The following ITGB5 variants were observed in gnomAD, a reference collection of about 807,000 sequenced individuals.
ITGB5 encodes integrin subunit beta 5.
ITGB5 carries 38 observed loss-of-function variants against 84.8 expected under a neutral mutation model. That is an observed-to-expected ratio of 0.45 (90% CI 0.35 to 0.59). ITGB5 has a LOEUF of 0.59. Among genes scored for constraint, ITGB5 ranks in the 20% least tolerant of loss-of-function variants. The pLI is 0.01. For missense variants in ITGB5, 905 were observed against 1,034.5 expected, an observed-to-expected ratio of 0.87 and a Z score of 1.72; for synonymous variants, 393 against 414.4, an observed-to-expected ratio of 0.95 and a Z score of 0.63.
chr3:124,787,232 C>T (rs1299705865), intron 10 of ITGB5, among the ~76,000 whole-genome samples: 4 of 152,226 alleles, frequency 2.6e-5, no homozygotes, highest in South Asian at 2.1e-4. Context: ...GGAGGCCCAA[C>T]GCTTAGATTT....
intron 9 of ITGB5, 139 bp from the exon 10 acceptor site, chr3:124,796,956 C>T (rs1003996940): frequency 1.7e-5 from 13 of 770,278 alleles, no homozygotes; most frequent in South Asian, 7.5e-5. Context: ...CCAAGATGGC[C>T]GGAGTAGGAA....
intron 12 of ITGB5, among the ~76,000 whole-genome samples, chr3:124,767,614 G>A (rs2063785469): frequency 6.6e-6 from 1 of 152,190 alleles, no homozygotes; most frequent in Non-Finnish European, 1.5e-5. Flanking sequence ...GGCAGAACCT[G>A]AGGTCGGCCA....
intron 3 of ITGB5, among the ~76,000 whole-genome samples, chr3:124,858,487 CAACCT>C (rs1224010977): frequency 1.3e-5 from 2 of 152,214 alleles, no homozygotes; most frequent in African/African-American, 2.4e-5. Flanking sequence ...AAGTTGAAGA[CAACCT>C]AAATGTTCAC....
chr3:124,890,456 C>T (rs539345241), upstream of ITGB5, among the ~76,000 whole-genome samples: 2 of 152,206 alleles, frequency 1.3e-5, no homozygotes, highest in South Asian at 4.2e-4. Context: ...CCGCCCGCCT[C>T]GGCCTCCCAA....
chr3:124,769,015 A>G lies in ITGB5; in HGVS notation c.2015T>C (p.Ile672Thr), dbSNP rs779920927. ...RDEVITWVDT[I>T]VKDDQEAVLC... is the part of the protein sequence containing the mutation. ...CCGGGTGGTGGCAGCACACTCACCG[A>G]TGGTGTCCACCCATGTGATCACCTC... Residue 672 changes from isoleucine (I) to threonine (T), a missense_variant and splice_region_variant, in exon 12 of 15, where the codon ATC becomes ACC. Transcript: ENST00000296181. 19 of 1,610,860 alleles carry G rather than the reference A, an allele frequency of 1.2e-5. No individual in the cohort carries two copies. The East Asian group carries it at 2.9e-4, about 25-fold the overall frequency.
intron 5 of ITGB5, among the ~76,000 whole-genome samples, chr3:124,834,924 C>A (rs928219992): frequency 5.9e-5 from 9 of 152,124 alleles, no homozygotes; most frequent in Non-Finnish European, 1.3e-4. Context: ...CATCTTTGCT[C>A]AGTGGACATT....
intron 10 of ITGB5, among the ~76,000 whole-genome samples, chr3:124,783,290 CAA>C (rs758967509): frequency 2.6e-4 from 15 of 56,990 alleles, no homozygotes; most frequent in East Asian, 1.5e-3. Context: ...GACTCCGTCT[CAA>C]AAAAAAAAAA....
At chr3:124,848,826 C>G (rs1392997192) in intron 3 of ITGB5, among the ~76,000 whole-genome samples, 1 of 151,982 alleles carries the variant, frequency 6.6e-6, no homozygotes, top group Non-Finnish European at 1.5e-5. Context: ...GTCGCCCAGG[C>G]TGGAGTGCAG....
intron 10 of ITGB5, among the ~76,000 whole-genome samples, chr3:124,779,381 G>A (rs532118377): frequency 3.9e-5 from 6 of 152,244 alleles, no homozygotes; most frequent in East Asian, 3.9e-4. Flanking sequence ...GGCGAGAAAC[G>A]TGTGACCTGG....
At chr3:124,769,424 G>C (rs1489456612) in intron 11 of ITGB5, 1 of 260,262 alleles carries the variant, frequency 3.8e-6, no homozygotes, top group Non-Finnish European at 7.3e-6. Flanking sequence ...TGAGGAGTCT[G>C]CTCCAAGCCA....
chr3:124,811,934 C>T (rs59333761), intron 8 of ITGB5, among the ~76,000 whole-genome samples: 1 of 152,234 alleles, frequency 6.6e-6, no homozygotes, highest in Non-Finnish European at 1.5e-5. Flanking sequence ...ATATGCACTT[C>T]TTTCTTTGGA....
chr3:124,798,326 C>T (rs1380752151), intron 9 of ITGB5, among the ~76,000 whole-genome samples: 2 of 152,026 alleles, frequency 1.3e-5, no homozygotes, highest in African/African-American at 2.4e-5. Flanking sequence ...GCTGGGATTA[C>T]AGGTGTGAGC....
At chr3:124,876,533 T>G (rs1488386757) in intron 1 of ITGB5, among the ~76,000 whole-genome samples, 8 of 152,116 alleles carry the variant, frequency 5.3e-5, no homozygotes, top group Non-Finnish European at 1.2e-4. Flanking sequence ...GGAAGCTTTA[T>G]CATGTCACCC....
chr3:124,841,587 ATT>A (rs1316346313), intron 4 of ITGB5, 36 bp from the exon 5 acceptor site: 6 of 1,601,692 alleles, frequency 3.7e-6, no homozygotes, highest in African/African-American at 2.7e-5. Context: ...CTTTTCCATC[ATT>A]GTCTGTAAAT....
chr3:124,876,708 C>A (rs1004980701), intron 1 of ITGB5, among the ~76,000 whole-genome samples: 8 of 152,190 alleles, frequency 5.3e-5, no homozygotes, highest in African/African-American at 1.9e-4. Flanking sequence ...TAACCCTGAA[C>A]CCTAGGCCTC....
chr3:124,779,367 G>T (rs962991403), intron 10 of ITGB5, among the ~76,000 whole-genome samples: 1 of 152,136 alleles, frequency 6.6e-6, no homozygotes, highest in Non-Finnish European at 1.5e-5. Context: ...AGGCAGTACT[G>T]GGGGGCGAGA....
intron 8 of ITGB5, 66 bp from the exon 9 acceptor site, chr3:124,809,222 T>C (rs1021946879): frequency 2.5e-6 from 4 of 1,576,926 alleles, no homozygotes; most frequent in African/African-American, 1.4e-5. Context: ...GCTCCCACAC[T>C]GGTTTTCTGA....
chr3:124,798,141 C>T (rs1010319566), intron 9 of ITGB5, among the ~76,000 whole-genome samples: 4 of 147,472 alleles, frequency 2.7e-5, no homozygotes, highest in African/African-American at 1.0e-4. Flanking sequence ...CAATCTCCAC[C>T]TCCCGGGTTC....
At chr3:124,833,223 T>G (rs1239988075) in intron 5 of ITGB5, among the ~76,000 whole-genome samples, 1 of 152,220 alleles carries the variant, frequency 6.6e-6, no homozygotes, top group Non-Finnish European at 1.5e-5. Flanking sequence ...CCCAGCAATG[T>G]GCAGGATGAC....
Sources: gnomAD v4.1 joint callset for allele counts (sites outside exome capture counted in the v4.1 genomes callset) on GRCh38, gnomAD v4.1.1 for gene constraint, MANE v1.5 for transcripts, NCBI Gene and HGNC (gene_info 2026-07-23, HGNC 2026-07-21) for gene names.